PLXNB1: variants seen among roughly 807,000 people sequenced by gnomAD.
PLXNB1 encodes the protein plexin-B1.
PLXNB1 carries 106 observed loss-of-function variants against 209.4 expected under a neutral mutation model. The ratio of observed to expected loss-of-function variants is 0.51; its 90% CI spans 0.43 to 0.59. The LOEUF (loss-of-function observed/expected upper bound fraction) is 0.59. Ranked by LOEUF, PLXNB1 falls within the 20% of genes least tolerant of loss-of-function variation. The pLI is 0.00. For synonymous variants in PLXNB1, 1,167 were observed against 1,183.2 expected (o/e 0.99, Z 0.28); for missense variants, 2,357 against 2,853.2 (o/e 0.83, Z 3.96).
At chr3:48,412,091 G>T in intron 27 of PLXNB1, 82 bp from the exon 28 acceptor site, 1 of 1,535,850 alleles carries the variant, frequency 6.5e-7, no homozygotes, top group Non-Finnish European at 9.0e-7. Flanking sequence ...AAGGGGACAG[G>T]ACATGGGCTT....
At position 48,410,894 on chromosome 3, in the gene PLXNB1, C is replaced by T. The variant is rs1325422202; in HGVS notation, c.5390G>A (p.Arg1797Gln). 6.2e-7 allele frequency: 1 copy of T among 1,612,654 alleles called. No individual in the cohort carries two copies. The highest frequency in any genetic ancestry group is 8.5e-7 in the Non-Finnish European group (1 of 1,179,412). ...QLYKGVPLTQ[R>Q]PDPRTLDVEW... ...AACATCAAGGGTGCGAGGGTCTGGC[C>T]GCTGGGTGAGAGGCACTCCTTTATA... Residue 1797 changes from arginine (R) to glutamine (Q), a missense_variant, in exon 29 of 38, where the codon CGG becomes CAG. Arg to Gln is a conservative substitution (Grantham distance 43, BLOSUM62 1). Transcript: ENST00000296440. This position sits in a 1 kb window ranked among gnomAD's most constrained non-coding sequence, Gnocchi z 6.4.
At position 48,420,864 on chromosome 3, in the gene PLXNB1, G is replaced by T. The variant is rs1028818224; in HGVS notation, c.1903C>A (p.Leu635Ile). ...GGAACTCACTGCGCAGATGGGCGGA[G>T]TTCAGTGACCGCCACACAGTCATAG... Reference protein sequence around the residue: ...SFYDCVAVTELRPSAQCQACV... With the variant: ...SFYDCVAVTEIRPSAQCQACV... Residue 635 changes from leucine (L) to isoleucine (I), a missense_variant, in exon 9 of 38, where the codon CTC becomes ATC. Around this residue, in one of 7 missense-constraint regions of PLXNB1, gnomAD observed 214 missense variants for 297.1 expected, o/e 0.72. Transcript: ENST00000296440. 6.2e-7 allele frequency: 1 copy of T among 1,613,880 alleles called. No individual in the cohort carries two copies. The highest frequency in any genetic ancestry group is 1.1e-5 in the South Asian group (1 of 91,084).
chr3:48,414,137 T>G, intron 21 of PLXNB1, 66 bp from the exon 22 acceptor site: 1 of 1,527,310 alleles, frequency 6.5e-7, no homozygotes, highest in South Asian at 1.1e-5. Flanking sequence ...TCCCCAAATG[T>G]GGGAAGGACC....
rs768626701 is a variant in PLXNB1 at position 48,418,111 on chromosome 3, C to G, written c.3223-49G>C. 6.2e-7 allele frequency: 1 copy of G among 1,607,210 alleles called. No individual in the cohort carries two copies. Among genetic ancestry groups the G allele is most frequent in the Non-Finnish European group, 8.5e-7 (1 of 1,175,604 alleles). On this transcript the variant is annotated intron_variant, in intron 15 of 37. Coordinates refer to ENST00000296440, the MANE Select transcript of PLXNB1 (RefSeq NM_001130082.3). This position sits in a 1 kb window ranked among gnomAD's most constrained non-coding sequence, Gnocchi z 6.6. ...ACCTCTACTCAACTGGAAAGGCAGC[C>G]CCAACCTCCCACCTTTGGGCCCCCA...
At chr3:48,408,327 C>G (rs976078724) in intron 34 of PLXNB1, among the ~76,000 whole-genome samples, 2 of 152,094 alleles carry the variant, frequency 1.3e-5, no homozygotes, top group Non-Finnish European at 2.9e-5. Flanking sequence ...TTTGATTTTT[C>G]CCAGAGGTGT....
Position 48,424,436 on chromosome 3 carries a change from C to A in PLXNB1, c.176G>T (p.Ser59Ile). 6.3e-7 allele frequency: 1 copy of A among 1,580,734 alleles called. No homozygotes were observed. Among genetic ancestry groups the A allele is most frequent in the Non-Finnish European group, 8.6e-7 (1 of 1,162,928 alleles). ...TGTGGCCTCCAGCTGCAGCCCAGGG[C>A]TCAGCTGGAACAGGAAGTTGGTAGC... ...LGATNFLFQLSPGLQLEATVS... is the reference protein window; with the variant it reads ...LGATNFLFQLIPGLQLEATVS... The change falls in exon 3 of 38, where the codon AGC becomes ATC. Residue 59 changes from serine to isoleucine, a missense_variant. Ser to Ile is a moderately radical substitution (Grantham distance 142, BLOSUM62 -2). This residue lies in a region of PLXNB1 where 107 missense variants were observed against 167.2 expected (regional missense o/e 0.64). Transcript: ENST00000296440.
chr3:48,420,018 A>G lies in PLXNB1; in HGVS notation c.2268T>C (p.His756=), dbSNP rs1163570902. ...GGGGGCTGGGAGGGGAGGGCTCCTC[A>G]TGGAGAGGCGACCCTGTGGAGCCAG... ...SSPGSTGSPL[H]EEPSPPSPQN... Residue 756 remains histidine, a synonymous_variant, in exon 11 of 38, where the codon CAT becomes CAC. Transcript: ENST00000296440. 23 of 1,606,748 alleles carry G rather than the reference A, an allele frequency of 1.4e-5. No individual in the cohort carries two copies. The highest frequency in any genetic ancestry group is 1.8e-5 in the Non-Finnish European group (21 of 1,175,530).
chr3:48,425,756 C>T (rs1383991891), intron 1 of PLXNB1, among the ~76,000 whole-genome samples: 2 of 152,072 alleles, frequency 1.3e-5, no homozygotes, highest in Non-Finnish European at 2.9e-5. Context: ...GACAGGCAGT[C>T]GCACAGCAAG....
In PLXNB1 at chr3:48,418,384, C is replaced by T. The variant is rs748178639; in HGVS notation, c.3050-21G>A. ...TACCACTGGGGGTGGCAGAGACACA[C>T]GTGAGAGGCAGGCCTGGGAGAGCCC... On this transcript the variant is annotated intron_variant, in intron 14 of 37. Coordinates refer to ENST00000296440, the MANE Select transcript of PLXNB1 (RefSeq NM_001130082.3). This position sits in a 1 kb window ranked among gnomAD's most constrained non-coding sequence, Gnocchi z 6.6. The T allele has an allele frequency of 1.3e-5, 21 of 1,613,568 alleles. No homozygotes were observed. Among genetic ancestry groups the T allele is most frequent in the Admixed American group, 1.7e-5 (1 of 60,018 alleles).
chr3:48,407,982 T>C (rs1350470944), intron 34 of PLXNB1, among the ~76,000 whole-genome samples: 1 of 152,148 alleles, frequency 6.6e-6, no homozygotes, highest in Admixed American at 6.5e-5. Context: ...CAAAAGACAG[T>C]GCTACAATTT....
In PLXNB1 at chr3:48,409,389, G is replaced by A. The variant is rs1191127800; in HGVS notation, c.6027C>T (p.Leu2009=). ...VQTSDNMDAV[L]LVIAQTFMDA... is the part of the protein sequence containing the mutation. ...CCATGAAGGTCTGTGCAATGACAAGGAGCACCGCATCCATGTTATCAGATG... is the reference window on the plus strand; with the variant it reads ...CCATGAAGGTCTGTGCAATGACAAGAAGCACCGCATCCATGTTATCAGATG... The change falls in exon 34 of 38, where the codon CTC becomes CTT. Residue 2009 remains leucine (L), a synonymous_variant. Coordinates refer to ENST00000296440, the MANE Select transcript of PLXNB1 (RefSeq NM_001130082.3). The surrounding 1 kb of genome is among the most constrained non-coding windows in gnomAD (Gnocchi z 5.8). 1.9e-6 allele frequency: 3 copies of A among 1,614,208 alleles called. No homozygotes were observed. Among genetic ancestry groups the A allele is most frequent in the Non-Finnish European group, 2.5e-6 (3 of 1,180,044 alleles).
At chr3:48,420,337 T>TG (rs2038425363) in intron 10 of PLXNB1, 80 bp from the exon 11 acceptor site, 11 of 781,178 alleles carry the variant, frequency 1.4e-5, no homozygotes, top group Non-Finnish European at 2.0e-5. Context: ...GCACAGTGTA[T>TG]GTTAAGAGGA....
At chr3:48,428,082 A>C (rs1434279629) in intron 1 of PLXNB1, among the ~76,000 whole-genome samples, 1 of 152,128 alleles carries the variant, frequency 6.6e-6, no homozygotes, top group Non-Finnish European at 1.5e-5. Context: ...CCAGCAACTT[A>C]CACAGACTTC....
chr3:48,419,550 A>G lies in PLXNB1; in HGVS notation c.2709+27T>C. 2 of 1,584,286 alleles carry G rather than the reference A, an allele frequency of 1.3e-6. No homozygotes were observed. Among genetic ancestry groups the G allele is most frequent in the South Asian group, 1.1e-5 (1 of 89,290 alleles). ...CATCTTCCCCACATCCCCTCCCCTG[A>G]GGCCTCCTTCCTGGGCTGGGCCTCA... On this transcript the variant is annotated intron_variant, in intron 11 of 37. Transcript: ENST00000296440. This position sits in a 1 kb window ranked among gnomAD's most constrained non-coding sequence, Gnocchi z 5.7.
intron 34 of PLXNB1, among the ~76,000 whole-genome samples, chr3:48,407,829 G>C (rs1024523592): frequency 6.6e-6 from 1 of 152,210 alleles, no homozygotes; most frequent in Non-Finnish European, 1.5e-5. Flanking sequence ...CTGCTGGGAA[G>C]GGGAGGTACT....
In PLXNB1 at chr3:48,424,300, G is replaced by A; in HGVS notation, c.312C>T (p.Ser104=). The A allele has an allele frequency of 6.4e-7, 1 of 1,570,696 alleles. No homozygotes were observed. Among genetic ancestry groups the A allele is most frequent in the Non-Finnish European group, 8.6e-7 (1 of 1,157,872 alleles). Residue 104 remains serine, a synonymous_variant, in exon 3 of 38, where the codon AGC becomes AGT. Transcript: ENST00000296440. ...TNNPNQLLLV[S]PGALVVCGSV... ...TCCCGCATACCACCAGGGCCCCTGG[G>A]CTCACCAGGAGCAGCTGATTCGGGT...
At chr3:48,424,682 G>A in intron 2 of PLXNB1, 65 bp from the exon 3 acceptor site, 1 of 1,475,660 alleles carries the variant, frequency 6.8e-7, no homozygotes, top group Non-Finnish European at 9.1e-7. Context: ...GGGGCCACTG[G>A]TAAGGGATAG....
chr3:48,406,892 A>G lies in PLXNB1; in HGVS notation c.6159T>C (p.Tyr2053=), dbSNP rs1048613179. 24 of 1,613,322 alleles carry G rather than the reference A, an allele frequency of 1.5e-5. No individual in the cohort carries two copies. Among genetic ancestry groups the G allele is most frequent in the Non-Finnish European group, 2.0e-5 (24 of 1,179,650 alleles). ...CTGGGACAGTCTGTCTGATGTCTGC[A>G]TAGTACCTGCCAGAGAGCCAGGGCA... ...PRYKRMVERY[Y]ADIRQTVPAS... The change falls in exon 36 of 38, where the codon TAT becomes TAC. Residue 2053 remains tyrosine (Y), a synonymous_variant. Coordinates refer to ENST00000296440, the MANE Select transcript of PLXNB1 (RefSeq NM_001130082.3). The surrounding 1 kb of genome is among the most constrained non-coding windows in gnomAD (Gnocchi z 4.4).
Position 48,404,593 on chromosome 3 carries a change from G to A in PLXNB1, c.6304-3C>T. ...TCCTCCTCCAGGGCAGTGATGATCT[G>A]AAACAGAGACCAATGCCATCAGGGG... On this transcript the variant is annotated splice_region_variant and splice_polypyrimidine_tract_variant and intron_variant, in intron 37 of 37. Transcript: ENST00000296440. 6.2e-7 allele frequency: 1 copy of A among 1,600,868 alleles called. No homozygotes were observed. Among genetic ancestry groups the A allele is most frequent in the Admixed American group, 1.7e-5 (1 of 59,046 alleles).
Sources: allele counts gnomAD v4.1 joint callset (sites outside exome capture counted in the v4.1 genomes callset), GRCh38; gene constraint gnomAD v4.1.1; regional missense constraint gnomAD v4.1.1; non-coding constraint Gnocchi (gnomAD v3.1); transcripts MANE v1.5; gene names NCBI Gene and HGNC (gene_info 2026-07-23, HGNC 2026-07-21).